Variants in GSK3B observed in about 807,000 individuals in gnomAD.
GSK3B encodes glycogen synthase kinase 3 beta.
A neutral mutation model predicts 56.4 loss-of-function variants in GSK3B; 15 were observed. The observed-to-expected ratio is 0.27, with a 90% CI of 0.18 to 0.41. GSK3B has a LOEUF of 0.41. Ranked by LOEUF, GSK3B falls within the 10% of genes least tolerant of loss-of-function variation. GSK3B has a pLI of 1.00. For missense variants in GSK3B, 300 were observed against 513.4 expected (o/e 0.58, Z 4.02); for synonymous variants, 181 against 188.9 (o/e 0.96, Z 0.34).
intron 3 of GSK3B, among the ~76,000 whole-genome samples, chr3:119,927,764 A>C (rs2056902046): frequency 6.6e-6 from 1 of 152,170 alleles, no homozygotes; most frequent in African/African-American, 2.4e-5. Context: ...GACCACCCAG[A>C]GTTGGAGAGT....
At chr3:119,852,350 C>CAA (rs2055941806) in intron 9 of GSK3B, among the ~76,000 whole-genome samples, 3 of 150,376 alleles carry the variant, frequency 2.0e-5, no homozygotes, top group African/African-American at 7.5e-5. Flanking sequence ...ATTCAGAACT[C>CAA]TATTTTTTTT....
intron 1 of GSK3B, among the ~76,000 whole-genome samples, chr3:120,080,398 A>G (rs2058409249): frequency 6.6e-6 from 1 of 152,210 alleles, no homozygotes; most frequent in African/African-American, 2.4e-5. Context: ...ATTAAAAAAA[A>G]AAGAAGTTGT....
At chr3:119,924,906 G>C (rs2056876155) in intron 3 of GSK3B, among the ~76,000 whole-genome samples, 1 of 152,220 alleles carries the variant, frequency 6.6e-6, no homozygotes. Flanking sequence ...GAAAAAGCTT[G>C]TGGTTTTTCC....
chr3:119,848,993 A>T (rs1049182924), intron 9 of GSK3B, among the ~76,000 whole-genome samples: 2 of 152,202 alleles, frequency 1.3e-5, no homozygotes, highest in Non-Finnish European at 2.9e-5. Flanking sequence ...TAAGGAACAG[A>T]AAGCTCCTAT....
chr3:120,055,771 C>A (rs557749279), intron 1 of GSK3B, among the ~76,000 whole-genome samples: 5 of 152,244 alleles, frequency 3.3e-5, no homozygotes, highest in African/African-American at 1.2e-4. Flanking sequence ...GAAAATGGAT[C>A]TTTCAACAAA....
intron 7 of GSK3B, among the ~76,000 whole-genome samples, chr3:119,904,863 T>C (rs988417808): frequency 6.6e-6 from 1 of 151,914 alleles, no homozygotes; most frequent in African/African-American, 2.4e-5. Flanking sequence ...ATTTGGGATA[T>C]CACAAACAAA....
At chr3:119,868,222 C>A (rs1158004639) in intron 8 of GSK3B, among the ~76,000 whole-genome samples, 1 of 152,116 alleles carries the variant, frequency 6.6e-6, no homozygotes, top group Non-Finnish European at 1.5e-5. Flanking sequence ...CAAATACTAC[C>A]TCACCTATGC....
chr3:120,071,621 C>G (rs1235003705), intron 1 of GSK3B, among the ~76,000 whole-genome samples: 2 of 152,108 alleles, frequency 1.3e-5, no homozygotes, highest in African/African-American at 4.8e-5. Context: ...TCACTGTCTC[C>G]CCAGCACCCC....
Position 119,843,338 on chromosome 3 carries a change from G to A in GSK3B, c.1112C>T (p.Pro371Leu). The change falls in exon 10 of 11, where the codon CCA becomes CTA. Residue 371 changes from proline to leucine, a missense_variant. Pro to Leu is a moderately conservative substitution (Grantham distance 98). Transcript: ENST00000264235. Reference sequence around the variant, plus strand: ...AGGAATAAGGATGGTAGCCAGAGGTGGATTACTTGACAGTTCTATAGAAGG... The same window carrying A: ...AGGAATAAGGATGGTAGCCAGAGGTAGATTACTTGACAGTTCTATAGAAGG... ...NFTTQELSSNPPLATILIPPH... is the reference protein window; with the variant it reads ...NFTTQELSSNLPLATILIPPH... 6.2e-7 allele frequency: 1 copy of A among 1,603,572 alleles called. No homozygotes were observed. Among genetic ancestry groups the A allele is most frequent in the Middle Eastern group, 1.7e-4 (1 of 6,020 alleles).
intron 10 of GSK3B, chr3:119,832,915 A>G: frequency 1.1e-6 from 1 of 869,748 alleles, no homozygotes; most frequent in Non-Finnish European, 1.4e-6. Flanking sequence ...CTGGTATCAT[A>G]ATTTCTTTTT....
chr3:120,038,058 T>C (rs947692513), intron 1 of GSK3B, among the ~76,000 whole-genome samples: 5 of 152,188 alleles, frequency 3.3e-5, no homozygotes, highest in African/African-American at 1.2e-4. Context: ...AAAATACATT[T>C]ACATACAAGG....
At chr3:119,861,902 ACT>A in intron 9 of GSK3B, among the ~76,000 whole-genome samples, 1 of 152,270 alleles carries the variant, frequency 6.6e-6, no homozygotes, top group African/African-American at 2.4e-5. Flanking sequence ...CCACTTTTTC[ACT>A]GATACTCACA....
chr3:120,038,300 C>T (rs2058038415), intron 1 of GSK3B, among the ~76,000 whole-genome samples: 1 of 152,200 alleles, frequency 6.6e-6, no homozygotes, highest in African/African-American at 2.4e-5. Flanking sequence ...CATGGTGGTT[C>T]ATGCCTGTAA....
chr3:119,842,208 G>A (rs893899031), intron 10 of GSK3B, among the ~76,000 whole-genome samples: 2 of 152,184 alleles, frequency 1.3e-5, no homozygotes, highest in East Asian at 3.9e-4. Context: ...CACTCTTAAG[G>A]GTTGGATATT....
At position 119,823,929 on chromosome 3, in the gene GSK3B, A is replaced by G. The variant is rs1000840832; in HGVS notation, c.*2859T>C. 1 of 197,196 alleles carries G rather than the reference A, an allele frequency of 5.1e-6. No individual in the cohort carries two copies. Among genetic ancestry groups the G allele is most frequent in the African/African-American group, 2.3e-5 (1 of 43,260 alleles). 12.2% of individuals were successfully genotyped at this position (197,196 alleles called of 1,614,324 possible). A position where few individuals can be genotyped will look rare whatever the true frequency, so the allele number is the denominator to read the frequency against. On this transcript the variant is annotated 3_prime_UTR_variant, in exon 11 of 11. Coordinates refer to ENST00000264235, the MANE Select transcript of GSK3B (RefSeq NM_001146156.2). ...TAAAAAAGAACAAATTAAAAAAAAA[A>G]ACACATGGAAGCGAAGGCACTCCAA...
At chr3:119,898,755 C>T (rs546558404) in intron 7 of GSK3B, among the ~76,000 whole-genome samples, 10 of 152,196 alleles carry the variant, frequency 6.6e-5, no homozygotes, top group African/African-American at 2.2e-4. Context: ...TGAAAACATA[C>T]GTAGTACCAA....
chr3:120,008,781 T>G (rs193164352), intron 1 of GSK3B, among the ~76,000 whole-genome samples: 1 of 152,266 alleles, frequency 6.6e-6, no homozygotes, highest in Admixed American at 6.5e-5. Flanking sequence ...GGCAATACCA[T>G]TCAGGACATA....
Position 120,094,364 on chromosome 3 carries a change from C to T in GSK3B, c.-930G>A. 1 of 297,224 alleles carries T rather than the reference C, an allele frequency of 3.4e-6. No homozygotes were observed. The highest frequency in any genetic ancestry group is 6.3e-6 in the Non-Finnish European group (1 of 159,554). The allele number at this position is 297,224 out of a possible 1,614,324, so 18.4% of individuals were successfully genotyped here. ...GGGCCGGCTCCTCCTCGCTTCCTTC[C>T]TTCCTTTGTCACTTGGCCCGGGCGG... On this transcript the variant is annotated 5_prime_UTR_variant, in exon 1 of 11. Coordinates refer to ENST00000264235, the MANE Select transcript of GSK3B (RefSeq NM_001146156.2).
At chr3:119,961,864 T>G (rs983282502) in intron 2 of GSK3B, among the ~76,000 whole-genome samples, 1 of 152,196 alleles carries the variant, frequency 6.6e-6, no homozygotes, top group South Asian at 2.1e-4. Flanking sequence ...ACATGAGATA[T>G]TCAACACTTT....
Sources: allele counts gnomAD v4.1 joint callset (sites outside exome capture counted in the v4.1 genomes callset), GRCh38; gene constraint gnomAD v4.1.1; transcripts MANE v1.5; gene names NCBI Gene and HGNC (gene_info 2026-07-23, HGNC 2026-07-21).